Variants in CRB1 observed in about 807,000 individuals in gnomAD.
CRB1 encodes the protein protein crumbs homolog 1.
A neutral mutation model predicts 120.0 loss-of-function variants in CRB1; 83 were observed. The ratio of observed to expected loss-of-function variants is 0.69; its 90% CI spans 0.58 to 0.83. CRB1 has a LOEUF of 0.83. Among genes scored for constraint, CRB1 ranks in the 40% least tolerant of loss-of-function variants. The pLI is 0.00. For synonymous variants in CRB1, 625 were observed against 612.5 expected (o/e 1.02, Z -0.30); for missense variants, 1,699 against 1,687.6 (o/e 1.01, Z -0.12).
At chr1:197,382,255 T>C (rs532526093) in intron 5 of CRB1, among the ~76,000 whole-genome samples, 1 of 152,330 alleles carries the variant, frequency 6.6e-6, no homozygotes, top group African/African-American at 2.4e-5. Context: ...CAGCACCTGG[T>C]GCAAAGAAAG....
Position 197,477,951 on chromosome 1 carries a change from C to G in CRB1, c.*72C>G. 1.5e-6 allele frequency: 2 copies of G among 1,378,124 alleles called. No homozygotes were observed. Among genetic ancestry groups the G allele is most frequent in the Non-Finnish European group, 2.1e-6 (2 of 965,878 alleles). 85.4% of individuals were successfully genotyped at this position (1,378,124 alleles called of 1,614,324 possible). On this transcript the variant is annotated 3_prime_UTR_variant, in exon 12 of 12. Coordinates refer to ENST00000367400, the MANE Select transcript of CRB1 (RefSeq NM_201253.3). ...ATGACTGTACTTCAGGTATCTCTGA[C>G]ATACCTGACAATGTTAATCTGCAAC...
intron 4 of CRB1, among the ~76,000 whole-genome samples, chr1:197,355,675 A>G (rs923903487): frequency 1.3e-5 from 2 of 151,946 alleles, no homozygotes; most frequent in African/African-American, 4.8e-5. Flanking sequence ...AGCGGCGCCC[A>G]CCGGCCGCTC....
chr1:197,338,015 A>G (rs926171135), intron 2 of CRB1, among the ~76,000 whole-genome samples: 2 of 151,870 alleles, frequency 1.3e-5, no homozygotes, highest in East Asian at 1.9e-4. Context: ...TTTAATACTG[A>G]TGTATTTAAC....
chr1:197,431,957 A>C (rs1293612974), intron 8 of CRB1, among the ~76,000 whole-genome samples: 1 of 152,176 alleles, frequency 6.6e-6, no homozygotes. Context: ...AAATATATTG[A>C]AAAGATTAAG....
intron 1 of CRB1, among the ~76,000 whole-genome samples, chr1:197,308,387 C>A (rs975333714): frequency 6.6e-6 from 1 of 152,110 alleles, no homozygotes. Context: ...TCCCATGTAA[C>A]AAACCTGCAC....
chr1:197,255,783 A>G, the CRB1 span, among the ~76,000 whole-genome samples: 1 of 151,748 alleles, frequency 6.6e-6, no homozygotes, highest in African/African-American at 2.4e-5. Flanking sequence ...TCAGTCTAAT[A>G]CTTCATGAGT....
intron 11 of CRB1, among the ~76,000 whole-genome samples, chr1:197,466,229 C>T (rs974174161): frequency 1.3e-5 from 2 of 152,194 alleles, no homozygotes; most frequent in South Asian, 2.1e-4. Context: ...GATGCATTGG[C>T]TCTGCTCTGA....
At chr1:197,366,170 A>G in intron 5 of CRB1, among the ~76,000 whole-genome samples, 1 of 152,090 alleles carries the variant, frequency 6.6e-6, no homozygotes, top group East Asian at 1.9e-4. Flanking sequence ...TTAATTATTA[A>G]TAAATAACTT....
chr1:197,434,655 C>G (rs766881896), intron 8 of CRB1, 51 bp from the exon 9 acceptor site: 1 of 1,509,268 alleles, frequency 6.6e-7, no homozygotes, highest in Non-Finnish European at 9.2e-7. Flanking sequence ...GGTAATTAAG[C>G]AAACTATAGA....
chr1:197,397,998 G>A (rs1662859082), intron 5 of CRB1, among the ~76,000 whole-genome samples: 1 of 152,102 alleles, frequency 6.6e-6, no homozygotes, highest in Non-Finnish European at 1.5e-5. Context: ...TGTTGCCTCT[G>A]AGATGTCCAT....
intron 11 of CRB1, among the ~76,000 whole-genome samples, chr1:197,477,344 T>C (rs1452268139): frequency 1.3e-5 from 2 of 152,340 alleles, no homozygotes; most frequent in African/African-American, 2.4e-5. Context: ...AATCATTTTA[T>C]AAATATAAGT....
intron 1 of CRB1, among the ~76,000 whole-genome samples, chr1:197,325,960 C>T (rs1475786772): frequency 6.6e-6 from 1 of 151,942 alleles, no homozygotes; most frequent in Non-Finnish European, 1.5e-5. Flanking sequence ...GATCTAGAGA[C>T]AGATATAATT....
At chr1:197,201,574 A>G in the CRB1 span, among the ~76,000 whole-genome samples, 1 of 152,068 alleles carries the variant, frequency 6.6e-6, no homozygotes. Context: ...TCGGTGGCCT[A>G]CCCCGATCGA....
chr1:197,337,719 G>C (rs1238674934), intron 2 of CRB1, among the ~76,000 whole-genome samples: 1 of 151,974 alleles, frequency 6.6e-6, no homozygotes, highest in East Asian at 1.9e-4. Flanking sequence ...TTACTTGAAA[G>C]TATTATTTTT....
intron 5 of CRB1, among the ~76,000 whole-genome samples, chr1:197,407,491 G>T (rs937216338): frequency 6.6e-6 from 1 of 152,184 alleles, no homozygotes; most frequent in Non-Finnish European, 1.5e-5. Context: ...GATAAAATTT[G>T]TGTCTCTGAA....
chr1:197,299,780 C>T (rs778235913), intron 1 of CRB1, among the ~76,000 whole-genome samples: 4 of 150,340 alleles, frequency 2.7e-5, no homozygotes, highest in African/African-American at 5.0e-5. Context: ...GCTATACAGA[C>T]GTGCCTCATT....
chr1:197,328,287 T>C lies in CRB1; in HGVS notation c.71-135T>C, dbSNP rs12042924. The C allele has an allele frequency of 0.48, 328,247 of 685,310 alleles. 84,954 individuals carry two copies. The highest frequency in any genetic ancestry group is 0.86 in the East Asian group (31,744 of 37,042). The allele number at this position is 685,310 out of a possible 1,614,324, so 42.5% of individuals were successfully genotyped here. A position where few individuals can be genotyped will look rare whatever the true frequency, so the allele number is the denominator to read the frequency against. On this transcript the variant is annotated intron_variant, in intron 1 of 11. Transcript: ENST00000367400. Reference sequence around the variant, plus strand: ...AGGTATAGTAATGTAGATGACGTAGTTTTTTCATTAGGATGAACCCAACTA... The same window carrying C: ...AGGTATAGTAATGTAGATGACGTAGCTTTTTCATTAGGATGAACCCAACTA...
the CRB1 span, among the ~76,000 whole-genome samples, chr1:197,261,639 A>G: frequency 2.0e-5 from 3 of 152,236 alleles, no homozygotes; most frequent in African/African-American, 7.2e-5. Flanking sequence ...ACAAATAACA[A>G]TGATTACTTC....
At chr1:197,422,256 A>G (rs551250670) in intron 6 of CRB1, among the ~76,000 whole-genome samples, 1 of 152,326 alleles carries the variant, frequency 6.6e-6, no homozygotes, top group South Asian at 2.1e-4. Context: ...CAATTTTACC[A>G]TTGGTCACAT....
Sources: allele counts gnomAD v4.1 joint callset (sites outside exome capture counted in the v4.1 genomes callset), GRCh38; gene constraint gnomAD v4.1.1; transcripts MANE v1.5; gene names NCBI Gene and HGNC (gene_info 2026-07-23, HGNC 2026-07-21).